Variants in RAD18 observed in about 807,000 individuals in gnomAD.
The protein encoded by RAD18 is RAD18 E3 ubiquitin protein ligase.
Under a neutral mutation model 60.4 loss-of-function variants are expected in RAD18, and 47 were observed. The ratio of observed to expected loss-of-function variants is 0.78; its 90% confidence interval spans 0.62 to 0.99. RAD18 has a LOEUF of 0.99. Ranked by LOEUF, RAD18 falls within the 50% of genes least tolerant of loss-of-function variation. The probability of loss-of-function intolerance (pLI) is 0.00; values close to 1 mark genes in which losing one functional copy is unlikely to be tolerated. For synonymous variants in RAD18, 225 were observed against 195.5 expected (o/e 1.15, Z -1.26); for missense variants, 640 against 593.3 (o/e 1.08, Z -0.82).
chr3:8,898,381 C>CGTGT (rs59853617), intron 11 of RAD18, among the ~76,000 whole-genome samples: 2,452 of 148,424 alleles, frequency 0.017, 57 homozygotes, highest in African/African-American at 0.049. Flanking sequence ...TGTGTGCATG[C>CGTGT]GTGTGTGTGT....
At chr3:8,904,264 C>T (rs1157878513) in intron 9 of RAD18, among the ~76,000 whole-genome samples, 1 of 152,182 alleles carries the variant, frequency 6.6e-6, no homozygotes, top group African/African-American at 2.4e-5. Context: ...GTTCATTTTA[C>T]ATCCATATGA....
At position 8,936,028 on chromosome 3, in the gene RAD18, G is replaced by C. The variant is rs1315985930; in HGVS notation, c.732C>G (p.Pro244=). The C allele has an allele frequency of 1.9e-6, 3 of 1,596,562 alleles. No individual in the cohort carries two copies. In the African/African-American group the frequency reaches 4.1e-5, roughly 22 times the overall value. The change falls in exon 7 of 13, where the codon CCC becomes CCG. Residue 244 remains proline (P), a synonymous_variant. Transcript: ENST00000264926. ...CAGAGAGCAAATTATATACAGTTTT[G>C]GGCAGCGGCTTCCTTTTGTGAACAG... ...RSSVHKRKPL[P]KTVYNLLSDR...
intron 9 of RAD18, among the ~76,000 whole-genome samples, chr3:8,906,814 AAT>A (rs60635142): frequency 0.041 from 6,120 of 150,874 alleles, 419 homozygotes; most frequent in African/African-American, 0.14. Flanking sequence ...TTTTAATCAA[AAT>A]ATGTTATTTA....
At chr3:8,919,971 A>G (rs945159634) in intron 7 of RAD18, among the ~76,000 whole-genome samples, 2 of 152,244 alleles carry the variant, frequency 1.3e-5, no homozygotes, top group Admixed American at 6.5e-5. Context: ...ATCCATATTC[A>G]TAAGAGACAA....
chr3:8,907,085 C>G (rs1421117014), intron 9 of RAD18, among the ~76,000 whole-genome samples: 1 of 152,206 alleles, frequency 6.6e-6, no homozygotes, highest in African/African-American at 2.4e-5. Flanking sequence ...CAAACTCTAA[C>G]TCCTTTGGTT....
chr3:8,943,319 A>G (rs1340915592), intron 4 of RAD18, among the ~76,000 whole-genome samples: 1 of 126,666 alleles, frequency 7.9e-6, no homozygotes, highest in Non-Finnish European at 1.6e-5. Flanking sequence ...ACTTCAAACT[A>G]TGATAAACAT....
intron 7 of RAD18, among the ~76,000 whole-genome samples, chr3:8,921,768 A>G (rs1940325149): frequency 6.6e-6 from 1 of 152,222 alleles, no homozygotes; most frequent in African/African-American, 2.4e-5. Flanking sequence ...CCAGATCTAC[A>G]CAAAGAAACA....
Position 8,880,380 on chromosome 3 carries a change from G to C in RAD18, c.*977C>G, listed in dbSNP as rs1559749442. On this transcript the variant is annotated 3_prime_UTR_variant, in exon 13 of 13. Transcript: ENST00000264926. ...GCTGATGTGTTTGGGTTGGGTGATG[G>C]CAGAGGGGTGGGAGTTGGGGGATGC... 2.6e-5 allele frequency: 4 copies of C among 152,224 alleles called. No homozygotes were observed. The highest frequency in any genetic ancestry group is 9.7e-5 in the African/African-American group (4 of 41,438). 9.4% of individuals were successfully genotyped at this position (152,224 alleles called of 1,614,324 possible). A position where few individuals can be genotyped will look rare whatever the true frequency, so the allele number is the denominator to read the frequency against.
chr3:8,901,337 A>G (rs1191980341), intron 10 of RAD18, among the ~76,000 whole-genome samples: 1 of 152,228 alleles, frequency 6.6e-6, no homozygotes, highest in East Asian at 1.9e-4. Context: ...TGAAACTTAA[A>G]TATCTGACCA....
At chr3:8,928,306 AG>A (rs1214963417) in intron 7 of RAD18, among the ~76,000 whole-genome samples, 1 of 152,176 alleles carries the variant, frequency 6.6e-6, no homozygotes, top group Non-Finnish European at 1.5e-5. Context: ...CAAACAAGCA[AG>A]ATGGCAGATA....
intron 11 of RAD18, among the ~76,000 whole-genome samples, chr3:8,896,054 C>T (rs373919300): frequency 1.6e-4 from 24 of 152,208 alleles, no homozygotes; most frequent in African/African-American, 5.8e-4. Flanking sequence ...TGTACCCTCA[C>T]ATCTTTCACG....
At chr3:8,923,993 G>C (rs899122817) in intron 7 of RAD18, among the ~76,000 whole-genome samples, 20 of 152,316 alleles carry the variant, frequency 1.3e-4, no homozygotes, top group African/African-American at 2.9e-4. Flanking sequence ...AGGCTAGGAA[G>C]AAACTGCATC....
intron 11 of RAD18, among the ~76,000 whole-genome samples, chr3:8,891,733 T>C (rs920805172): frequency 4.6e-5 from 7 of 152,224 alleles, no homozygotes; most frequent in Admixed American, 6.5e-5. Context: ...AATGGACTGA[T>C]ACAAAATTTG....
At chr3:8,927,057 A>C (rs1940454199) in intron 7 of RAD18, among the ~76,000 whole-genome samples, 1 of 152,178 alleles carries the variant, frequency 6.6e-6, no homozygotes, top group Non-Finnish European at 1.5e-5. Context: ...AAAATGACAA[A>C]TGGGATCTAA....
chr3:8,941,563 T>C lies in RAD18; in HGVS notation c.508A>G (p.Lys170Glu). The change falls in exon 5 of 13, where the codon AAA (lysine) becomes GAA (glutamate). Residue 170 changes from lysine to glutamate, a missense_variant. By Grantham distance (56) the Lys-to-Glu change is moderately conservative. Transcript: ENST00000264926. ...QKEASPAAKT[K>E]ETRSVEEIAP... is the part of the protein sequence containing the mutation. The stretch of plus-strand genomic sequence containing the variant: ...ATCTCTTCTACAGAACGTGTCTCTT[T>C]GGTCTTTGCAGCAGGGCTCGCCTCT... The C allele has an allele frequency of 6.2e-7, 1 of 1,614,152 alleles. No individual in the cohort carries two copies. Among genetic ancestry groups the C allele is most frequent in the Non-Finnish European group, 8.5e-7 (1 of 1,180,000 alleles).
intron 6 of RAD18, among the ~76,000 whole-genome samples, 170 bp downstream of exon 6, chr3:8,939,384 A>G (rs1940706203): frequency 6.6e-6 from 1 of 152,198 alleles, no homozygotes; most frequent in African/African-American, 2.4e-5. Context: ...GGAGTTGAAG[A>G]AAGAACAGAG....
intron 7 of RAD18, among the ~76,000 whole-genome samples, chr3:8,920,833 G>C (rs1484179579): frequency 6.6e-6 from 1 of 152,148 alleles, no homozygotes; most frequent in Non-Finnish European, 1.5e-5. Flanking sequence ...AGATTGAAAA[G>C]ATATTACCAC....
chr3:8,937,226 T>G (rs1035295613), intron 6 of RAD18, among the ~76,000 whole-genome samples: 7 of 152,206 alleles, frequency 4.6e-5, no homozygotes, highest in Non-Finnish European at 1.0e-4. Context: ...CAGGGAGAGA[T>G]GATTCATTAC....
intron 7 of RAD18, among the ~76,000 whole-genome samples, chr3:8,917,044 G>A (rs1575544992): frequency 6.6e-6 from 1 of 152,010 alleles, no homozygotes; most frequent in East Asian, 1.9e-4. Context: ...CATGCATATA[G>A]ACACAAAGAC....
Sources: gnomAD v4.1 joint callset for allele counts (sites outside exome capture counted in the v4.1 genomes callset) on GRCh38, gnomAD v4.1.1 for gene constraint, MANE v1.5 for transcripts, NCBI Gene and HGNC (gene_info 2026-07-23, HGNC 2026-07-21) for gene names.